RABGAP1L: variants seen among roughly 807,000 people sequenced by gnomAD.
The protein encoded by RABGAP1L is RAB GTPase activating protein 1 like.
RABGAP1L carries 63 observed loss-of-function variants against 137.7 expected under a neutral mutation model. The ratio of observed to expected loss-of-function variants is 0.46; its 90% CI spans 0.37 to 0.56. The LOEUF (loss-of-function observed/expected upper bound fraction) is 0.56. Ranked by LOEUF, RABGAP1L falls within the 20% of genes least tolerant of loss-of-function variation. The pLI, the probability that RABGAP1L is intolerant of heterozygous loss-of-function variation, is 0.00. For synonymous variants in RABGAP1L, 431 were observed against 433.7 expected (o/e 0.99, Z 0.08); for missense variants, 1,095 against 1,244.0 (o/e 0.88, Z 1.80).
At chr1:174,524,996 G>A (rs1407640967) in intron 13 of RABGAP1L, among the ~76,000 whole-genome samples, 4 of 151,900 alleles carry the variant, frequency 2.6e-5, no homozygotes, top group East Asian at 1.9e-4. Context: ...TGTTCCATTC[G>A]TCTTTTTGTC....
chr1:174,349,965 C>T (rs1439498608), intron 11 of RABGAP1L, among the ~76,000 whole-genome samples: 3 of 119,512 alleles, frequency 2.5e-5, no homozygotes, highest in Non-Finnish European at 5.5e-5. Flanking sequence ...GGGGGGCTGA[C>T]CCCCCCATCT....
Position 174,202,691 on chromosome 1 carries a change from A to C in RABGAP1L, c.-33-16434A>C, listed in dbSNP as rs557995318. Among the ~76,000 whole-genome samples the C allele has an allele frequency of 3.3e-5, 5 of 152,238 alleles. No individual in the cohort carries two copies. In the East Asian group the frequency reaches 7.7e-4, roughly 24 times the overall value. ...TTTGTCAATTTTGGCTTTTGTTGCCATTGCTTTCTGTGTTTTAGACATGAA... is the reference window on the plus strand; with the variant it reads ...TTTGTCAATTTTGGCTTTTGTTGCCCTTGCTTTCTGTGTTTTAGACATGAA... On this transcript the variant is annotated intron_variant, in intron 1 of 25. Coordinates refer to ENST00000681986, the MANE Select transcript of RABGAP1L (RefSeq NM_001366446.1).
In RABGAP1L at chr1:174,933,936, T is replaced by A. The variant is rs551188144; in HGVS notation, c.2341-23521T>A. Among the ~76,000 whole-genome samples, 3 of 152,292 alleles carry A rather than the reference T, an allele frequency of 2.0e-5. No homozygotes were observed. The South Asian group carries it at 6.2e-4, about 32-fold the overall frequency. On this transcript the variant is annotated intron_variant, in intron 19 of 25. Coordinates refer to ENST00000681986, the MANE Select transcript of RABGAP1L (RefSeq NM_001366446.1). Reference sequence around the variant, plus strand: ...GGAAAACCCAATCCTCTAGGGAAAATCAAGGAATTATACTCGAATTAAACT... The same window carrying A: ...GGAAAACCCAATCCTCTAGGGAAAAACAAGGAATTATACTCGAATTAAACT...
chr1:174,931,614 A>C (rs1663806807), intron 19 of RABGAP1L, among the ~76,000 whole-genome samples: 1 of 152,182 alleles, frequency 6.6e-6, no homozygotes, highest in Non-Finnish European at 1.5e-5. Context: ...AAAGGTATTA[A>C]AAATTTTAAT....
At chr1:174,944,274 C>CAAAAAAAAAAAAAAAA in intron 19 of RABGAP1L, among the ~76,000 whole-genome samples, 1 of 50,860 alleles carries the variant, frequency 2.0e-5, no homozygotes, top group Non-Finnish European at 4.0e-5. Flanking sequence ...AAGACTGTCT[C>CAAAAAAAAAAAAAAAA]AAAAAAAAAA....
chr1:174,680,037 A>T (rs992013875), intron 14 of RABGAP1L, among the ~76,000 whole-genome samples: 2 of 152,246 alleles, frequency 1.3e-5, no homozygotes, highest in Non-Finnish European at 1.5e-5. Context: ...ACAAACACAA[A>T]TATGAACCAT....
chr1:174,749,283 G>A (rs547861529), intron 17 of RABGAP1L, among the ~76,000 whole-genome samples: 2 of 151,652 alleles, frequency 1.3e-5, no homozygotes, highest in East Asian at 3.9e-4. Flanking sequence ...CAGGTCATAG[G>A]TGGATTCAAA....
intron 13 of RABGAP1L, among the ~76,000 whole-genome samples, chr1:174,489,250 A>G (rs1327727126): frequency 1.3e-5 from 2 of 152,264 alleles, no homozygotes; most frequent in East Asian, 1.9e-4. Context: ...CAACCTACAG[A>G]ATGGGAGAAA....
At chr1:174,479,774 C>A (rs1242938683) in intron 13 of RABGAP1L, among the ~76,000 whole-genome samples, 1 of 151,980 alleles carries the variant, frequency 6.6e-6, no homozygotes, top group Non-Finnish European at 1.5e-5. Flanking sequence ...CCTAATTAAC[C>A]CTAGAGGAGT....
At chr1:174,174,159 GACA>G (rs1446306513) in intron 1 of RABGAP1L, among the ~76,000 whole-genome samples, 2 of 149,526 alleles carry the variant, frequency 1.3e-5, no homozygotes, top group Admixed American at 6.7e-5. Flanking sequence ...ACAGATTTCT[GACA>G]ACATGATAGC....
rs1048915365 is a variant in RABGAP1L at position 174,990,256 on chromosome 1, T to C, written c.*255T>C. ...CATCATAGTATTACACATTATTTTG[T>C]TTGCCTGATGTTTAGTTGGAAATAA... On this transcript the variant is annotated 3_prime_UTR_variant, in exon 26 of 26. Coordinates refer to ENST00000681986, the MANE Select transcript of RABGAP1L (RefSeq NM_001366446.1). 10 of 341,996 alleles carry C rather than the reference T, an allele frequency of 2.9e-5. No homozygotes were observed. Among genetic ancestry groups the C allele is most frequent in the Non-Finnish European group, 5.2e-5 (10 of 192,766 alleles). 21.2% of individuals were successfully genotyped at this position (341,996 alleles called of 1,614,324 possible). A position where few individuals can be genotyped will look rare whatever the true frequency, so the allele number is the denominator to read the frequency against.
intron 13 of RABGAP1L, among the ~76,000 whole-genome samples, chr1:174,617,994 T>C (rs573848288): frequency 9.2e-5 from 14 of 152,352 alleles, no homozygotes; most frequent in Admixed American, 8.5e-4. Flanking sequence ...CTTTAGATTA[T>C]AGCCCGCGCC....
intron 13 of RABGAP1L, among the ~76,000 whole-genome samples, chr1:174,456,843 C>T (rs1051247254): frequency 6.6e-6 from 1 of 152,076 alleles, no homozygotes; most frequent in Non-Finnish European, 1.5e-5. Flanking sequence ...ACAATTTATG[C>T]TACTTATTTA....
chr1:174,407,321 A>G (rs1457232194), intron 13 of RABGAP1L, among the ~76,000 whole-genome samples: 2 of 146,192 alleles, frequency 1.4e-5, no homozygotes, highest in South Asian at 4.3e-4. Flanking sequence ...TTGTCTCTCC[A>G]TTATATCTTT....
chr1:174,388,435 T>TA (rs1374887727), intron 12 of RABGAP1L, among the ~76,000 whole-genome samples: 1 of 151,838 alleles, frequency 6.6e-6, no homozygotes, highest in Non-Finnish European at 1.5e-5. Flanking sequence ...AGATTGGAGA[T>TA]ACAGGTGTAT....
At position 174,364,243 on chromosome 1, in the gene RABGAP1L, C is replaced by CTT. The variant is rs1054313083; in HGVS notation, c.1466-6708_1466-6707dup. Among the ~76,000 whole-genome samples, 759 of 81,168 alleles carry CTT rather than the reference C, an allele frequency of 9.4e-3. 202 individuals carry two copies. Among genetic ancestry groups the CTT allele is most frequent in the African/African-American group, 0.039 (535 of 13,572 alleles). 53.2% of individuals were successfully genotyped at this position (81,168 alleles called of 152,430 possible). On this transcript the variant is annotated intron_variant, in intron 11 of 25. Coordinates refer to ENST00000681986, the MANE Select transcript of RABGAP1L (RefSeq NM_001366446.1). ...TTGTTCTGTTCAGCTTTTGGATTTC[C>CTT]TTTTTTTTTTTTTTTTTTTTTTTTT... is the stretch of plus-strand genomic sequence containing the variant.
intron 18 of RABGAP1L, among the ~76,000 whole-genome samples, chr1:174,755,163 A>G (rs890183953): frequency 6.6e-6 from 1 of 152,330 alleles, no homozygotes; most frequent in Non-Finnish European, 1.5e-5. Flanking sequence ...TGTGTTGCTC[A>G]GTTAGGTTTT....
At chr1:174,250,976 T>G (rs1672666069) in intron 6 of RABGAP1L, among the ~76,000 whole-genome samples, 1 of 152,228 alleles carries the variant, frequency 6.6e-6, no homozygotes, top group Non-Finnish European at 1.5e-5. Context: ...CATTTTTGTA[T>G]TTTTAGGAGA....
At chr1:174,679,309 A>G (rs1399103005) in intron 14 of RABGAP1L, among the ~76,000 whole-genome samples, 1 of 152,204 alleles carries the variant, frequency 6.6e-6, no homozygotes, top group Non-Finnish European at 1.5e-5. Flanking sequence ...TAGTCAGCCT[A>G]GGAAATCCAG....
Sources: allele counts gnomAD v4.1 joint callset (sites outside exome capture counted in the v4.1 genomes callset), GRCh38; gene constraint gnomAD v4.1.1; transcripts MANE v1.5; gene names NCBI Gene and HGNC (gene_info 2026-07-23, HGNC 2026-07-21).